The following NIBAN3 variants were observed in gnomAD, a reference collection of about 807,000 sequenced individuals.
NIBAN3 encodes the protein protein Niban 3.
In NIBAN3, 66 loss-of-function variants were observed where a neutral mutation model predicts 76.4. The observed-to-expected ratio is 0.86, with a 90% confidence interval of 0.71 to 1.06. The LOEUF (loss-of-function observed/expected upper bound fraction) is 1.06, where lower values mean the gene tolerates loss of function less well. Ranked by LOEUF, NIBAN3 falls within the 50% of genes least tolerant of loss-of-function variation. The pLI is 0.00. For synonymous variants in NIBAN3, 360 were observed against 355.2 expected, an observed-to-expected ratio of 1.01 and a Z score of -0.15; for missense variants, 808 against 810.7, an observed-to-expected ratio of 1.00 and a Z score of 0.04.
chr19:17,550,808 A>C (rs1345252968), intron 14 of NIBAN3, among the ~76,000 whole-genome samples: 1 of 149,700 alleles, frequency 6.7e-6, no homozygotes, highest in Non-Finnish European at 1.5e-5. Flanking sequence ...CTTCCATACT[A>C]ACAGCCAATG....
chr19:17,539,187 C>T lies in NIBAN3; in HGVS notation c.633C>T (p.Phe211=), dbSNP rs771338417. ...QRSQAPAARA[F]LDAVRLYRQH... The stretch of plus-strand genomic sequence containing the variant: ...GCCAGGCCCCTGCTGCCCGGGCCTT[C>T]CTGGACGCCGTCCGACTCTACCGGC... The change falls in exon 6 of 15, where the codon TTC becomes TTT. Residue 211 remains phenylalanine, a synonymous_variant. Transcript: ENST00000599164. 1.2e-5 allele frequency: 19 copies of T among 1,605,318 alleles called. No individual in the cohort carries two copies. Among genetic ancestry groups the T allele is most frequent in the African/African-American group, 5.3e-5 (4 of 74,784 alleles).
rs62126831 is a variant in NIBAN3, at chr19:17,552,052, T to A, written c.*154T>A. ...CTCCAAGCAGCAGCATTTATTTGTG[T>A]ATTTTCCCCAAGGCTTTCTTTATTT... On this transcript the variant is annotated 3_prime_UTR_variant, in exon 15 of 15. Coordinates refer to ENST00000599164, the MANE Select transcript of NIBAN3 (RefSeq NM_001321827.2). 8.7e-3 allele frequency: 3,903 copies of A among 448,222 alleles called. 25 individuals carry two copies. Among genetic ancestry groups the A allele is most frequent in the South Asian group, 0.029 (609 of 21,300 alleles). 27.8% of individuals were successfully genotyped at this position (448,222 alleles called of 1,614,324 possible).
In NIBAN3 at chr19:17,542,425, T is replaced by A. The variant is rs1488009833; in HGVS notation, c.1329+131T>A. The A allele has an allele frequency of 8.0e-6, 8 of 996,554 alleles. No homozygotes were observed. Among genetic ancestry groups the A allele is most frequent in the African/African-American group, 1.6e-5 (1 of 61,566 alleles). The allele number at this position is 996,554 out of a possible 1,614,324, so 61.7% of individuals were successfully genotyped here. A position where few individuals can be genotyped will look rare whatever the true frequency, so the allele number is the denominator to read the frequency against. On this transcript the variant is annotated intron_variant, in intron 10 of 14. Transcript: ENST00000599164. The surrounding 1 kb of genome is among the most constrained non-coding windows in gnomAD (Gnocchi z 4.8). ...CGGGGCTGCCAGTCTCATGGGGACA[T>A]GAGCCCGTGACCAGGCAGCAGCCAC...
At chr19:17,541,685 T>G (rs1172709476) in intron 9 of NIBAN3, among the ~76,000 whole-genome samples, 1 of 148,828 alleles carries the variant, frequency 6.7e-6, no homozygotes, top group African/African-American at 2.5e-5. Context: ...TTATTTTATT[T>G]TATTTTATTT....
At position 17,543,614 on chromosome 19, in the gene NIBAN3, G is replaced by T. The variant is rs766742921; in HGVS notation, c.1537G>T (p.Glu513Ter). 24 of 1,613,408 alleles carry T rather than the reference G, an allele frequency of 1.5e-5. No homozygotes were observed. In the East Asian group the frequency reaches 5.1e-4, roughly 34 times the overall value. Residue 513 changes from glutamate to a stop codon, truncating the protein, a stop_gained, in exon 12 of 15, where the codon GAG becomes TAG. Transcript: ENST00000599164. LOFTEE classifies it high-confidence loss of function. ...IFLPFVLSQLEPGCKKELPEF... is the reference protein window; with the variant it reads ...IFLPFVLSQL The stretch of plus-strand genomic sequence containing the variant: ...TTTACCTTTTGTGCTGAGCCAACTC[G>T]AGCCAGGCTGCAAAAAGGTGAGTTA...
chr19:17,549,783 A>G, intron 14 of NIBAN3: 1 of 540,702 alleles, frequency 1.8e-6, no homozygotes, highest in South Asian at 2.6e-5. Flanking sequence ...TGGGGGGCTG[A>G]GATTGTGGTG....
chr19:17,546,551 T>G (rs534049029), intron 12 of NIBAN3, 135 bp from the exon 13 acceptor site: 1 of 1,276,660 alleles, frequency 7.8e-7, no homozygotes, highest in South Asian at 2.6e-5. Flanking sequence ...AAAATAAAGA[T>G]AAGGAAACTA....
At chr19:17,543,757 C>T in intron 12 of NIBAN3, 126 bp downstream of exon 12, 2 of 720,752 alleles carry the variant, frequency 2.8e-6, no homozygotes, top group Non-Finnish European at 4.5e-6. Context: ...ATTTGGGAGG[C>T]CAAGGCAGGC....
chr19:17,540,042 G>C, intron 8 of NIBAN3: 1 of 458,624 alleles, frequency 2.2e-6, no homozygotes, highest in Non-Finnish European at 3.9e-6. Flanking sequence ...GATACAAAAA[G>C]GGCGGGGCCT....
rs372956322 is a variant in NIBAN3 at position 17,532,385 on chromosome 19, G to A, written c.309G>A (p.Lys103=). 5 of 1,614,108 alleles carry A rather than the reference G, an allele frequency of 3.1e-6. No homozygotes were observed. The African/African-American group carries it at 4.0e-5, about 13-fold the overall frequency. Reference sequence around the variant, plus strand: ...GCCGCCTAGAGTGGTTCAGCCACAAGGAGGTGCGTGATTGGCACGTGGCCT... The same window carrying A: ...GCCGCCTAGAGTGGTTCAGCCACAAAGAGGTGCGTGATTGGCACGTGGCCT... The part of the protein sequence containing the change: ...GDGRLEWFSH[K]EEYENGGHCL... Residue 103 remains lysine, a synonymous_variant, in exon 3 of 15, where the codon AAG becomes AAA. Coordinates refer to ENST00000599164, the MANE Select transcript of NIBAN3 (RefSeq NM_001321827.2).
chr19:17,545,783 G>A lies in NIBAN3; in HGVS notation c.1555-903G>A, dbSNP rs144370022. On this transcript the variant is annotated intron_variant, in intron 12 of 14. Coordinates refer to ENST00000599164, the MANE Select transcript of NIBAN3 (RefSeq NM_001321827.2). ...GGTGTACAGGATGGAACACGAAGGC[G>A]GACTAGGAGCGAGACCACTGAAGCA... The A allele has an allele frequency of 3.5e-4, 74 of 213,492 alleles. No homozygotes were observed. In the East Asian group the frequency reaches 6.2e-3, roughly 18 times the overall value. 13.2% of individuals were successfully genotyped at this position (213,492 alleles called of 1,614,324 possible). A position where few individuals can be genotyped will look rare whatever the true frequency, so the allele number is the denominator to read the frequency against.
intron 5 of NIBAN3, 70 bp downstream of exon 5, chr19:17,537,613 GCTCGGGACCT>G: frequency 7.0e-7 from 1 of 1,425,200 alleles, no homozygotes; most frequent in Non-Finnish European, 9.4e-7. Context: ...GCCTCTGTTG[GCTCGGGACCT>G]CTCCAGGCCT....
In NIBAN3 at chr19:17,540,399, C is replaced by T; in HGVS notation, c.987C>T (p.Ile329=). ...AGTGTCTTCCACTCCCAGCGGATAT[C>T]AGGGGACCGCTCGAGTCGTGCCTGC... ...ARVAGRLRTD[I]RGPLESCLRR... The change falls in exon 9 of 15, where the codon ATC becomes ATT. Residue 329 remains isoleucine, a synonymous_variant. Transcript: ENST00000599164. 1 of 1,495,612 alleles carries T rather than the reference C, an allele frequency of 6.7e-7. No homozygotes were observed. Among genetic ancestry groups the T allele is most frequent in the Non-Finnish European group, 8.9e-7 (1 of 1,118,538 alleles). The allele number at this position is 1,495,612 out of a possible 1,614,324, so 92.6% of individuals were successfully genotyped here.
upstream of NIBAN3, among the ~76,000 whole-genome samples, chr19:17,524,997 G>T (rs969901100): frequency 6.6e-6 from 1 of 152,178 alleles, no homozygotes; most frequent in Admixed American, 6.5e-5. Context: ...TTATGATCAG[G>T]GATTCTACTA....
At chr19:17,545,665 CAA>C (rs1287514799) in intron 12 of NIBAN3, 1 of 161,226 alleles carries the variant, frequency 6.2e-6, no homozygotes, top group East Asian at 1.8e-4. Context: ...AGAGAGGAGA[CAA>C]AGAGAAAGAC....
Position 17,540,827 on chromosome 19 carries a change from G to A in NIBAN3, c.1170+245G>A, listed in dbSNP as rs117164196. ...TAACTCACTGCAGCCTCGACCTCCC[G>A]GGCTTAATCAATCCTCTTACTTTAG... On this transcript the variant is annotated intron_variant, in intron 9 of 14. Transcript: ENST00000599164. Among the ~76,000 whole-genome samples the A allele has an allele frequency of 9.1e-3, 1,387 of 152,234 alleles. 12 individuals carry two copies. The highest frequency in any genetic ancestry group is 0.02 in the Middle Eastern group (6 of 294).
upstream of NIBAN3, chr19:17,523,482 T>C: frequency 6.4e-7 from 1 of 1,556,932 alleles, no homozygotes; most frequent in South Asian, 1.2e-5. Flanking sequence ...CAAAGAGAGC[T>C]GAGCGGAAGC....
chr19:17,550,875 G>T (rs1368277090), intron 14 of NIBAN3, among the ~76,000 whole-genome samples: 1 of 110,528 alleles, frequency 9.0e-6, no homozygotes, highest in African/African-American at 3.3e-5. Context: ...TTCAAATGCA[G>T]GTTCCTGTGG....
upstream of NIBAN3, chr19:17,523,511 G>A (rs774284674): frequency 1.3e-6 from 2 of 1,483,078 alleles, no homozygotes; most frequent in Non-Finnish European, 1.8e-6. Context: ...GGGGCTGGTT[G>A]AGGGCAGGAG....
Sources: gnomAD v4.1 joint callset for allele counts (sites outside exome capture counted in the v4.1 genomes callset) on GRCh38, gnomAD v4.1.1 for gene constraint, Gnocchi (gnomAD v3.1) non-coding constraint, MANE v1.5 for transcripts, NCBI Gene and HGNC (gene_info 2026-07-23, HGNC 2026-07-21) for gene names.